The following MYOM1 variants were observed in gnomAD, a reference collection of about 807,000 sequenced individuals.
MYOM1 encodes the protein myomesin-1.
A neutral mutation model predicts 205.3 loss-of-function variants in MYOM1; 164 were observed. The observed-to-expected ratio is 0.80, with a 90% CI of 0.70 to 0.91. MYOM1 has a LOEUF of 0.91. Among genes scored for constraint, MYOM1 ranks in the 40% least tolerant of loss-of-function variants. The pLI is 0.00. For synonymous variants in MYOM1, 772 were observed against 789.4 expected (o/e 0.98, Z 0.37); for missense variants, 2,011 against 2,127.3 (o/e 0.95, Z 1.08).
intron 19 of MYOM1, among the ~76,000 whole-genome samples, chr18:3,126,056 G>A (rs1200821751): frequency 1.3e-5 from 2 of 152,024 alleles, no homozygotes; most frequent in African/African-American, 4.8e-5. Flanking sequence ...ATCACTTGAG[G>A]CCAGGAGTTT....
chr18:3,166,447 T>A (rs112795617), intron 9 of MYOM1, among the ~76,000 whole-genome samples: 7,974 of 151,608 alleles, frequency 0.053, 292 homozygotes, highest in Middle Eastern at 0.088. Context: ...ATTCTTTTTT[T>A]GTTTTGTTTT....
intron 16 of MYOM1, among the ~76,000 whole-genome samples, chr18:3,132,922 C>CAGCCAGAGGAAA (rs2079899069): frequency 6.6e-6 from 1 of 152,114 alleles, no homozygotes; most frequent in Non-Finnish European, 1.5e-5. Context: ...AACAGGTCTG[C>CAGCCAGAGGAAA]TAACGAATCT....
At chr18:3,223,367 C>T (rs1190229656), upstream of MYOM1, among the ~76,000 whole-genome samples, 11 of 152,100 alleles carry the variant, frequency 7.2e-5, no homozygotes, top group Admixed American at 5.9e-4. Context: ...ATGTTTTCCA[C>T]GGAAGGAAAA....
intron 1 of MYOM1, among the ~76,000 whole-genome samples, chr18:3,216,777 C>T (rs1360704381): frequency 9.2e-5 from 14 of 152,190 alleles, no homozygotes; most frequent in South Asian, 2.1e-4. Flanking sequence ...TCATTCTCGC[C>T]GATGTCTGAA....
At chr18:3,227,538 G>A in the MYOM1 span, among the ~76,000 whole-genome samples, 2 of 152,178 alleles carry the variant, frequency 1.3e-5, no homozygotes, top group South Asian at 2.1e-4. Context: ...AGCAATGTGA[G>A]CCGGGCGCGG....
chr18:3,107,250 TG>T (rs2143782297), intron 22 of MYOM1, among the ~76,000 whole-genome samples: 1 of 152,184 alleles, frequency 6.6e-6, no homozygotes, highest in South Asian at 2.1e-4. Flanking sequence ...CCCGAGTGGG[TG>T]GGACTACAGG....
chr18:3,084,958 T>C, intron 31 of MYOM1, 87 bp downstream of exon 31: 1 of 1,027,134 alleles, frequency 9.7e-7, no homozygotes, highest in Non-Finnish European at 1.4e-6. Context: ...TCAGCATGAT[T>C]TCAATCGTCA....
intron 33 of MYOM1, among the ~76,000 whole-genome samples, chr18:3,080,281 T>C (rs1015789760): frequency 2.6e-5 from 4 of 152,126 alleles, no homozygotes; most frequent in Non-Finnish European, 4.4e-5. Context: ...TATTATATTA[T>C]AGTTTTTTCT....
At chr18:3,106,423 A>C (rs2079452406) in intron 22 of MYOM1, among the ~76,000 whole-genome samples, 1 of 152,258 alleles carries the variant, frequency 6.6e-6, no homozygotes. Context: ...TGAGTCGTAC[A>C]TCATTACCTT....
At chr18:3,096,787 A>G (rs1204172832) in intron 25 of MYOM1, among the ~76,000 whole-genome samples, 1 of 152,166 alleles carries the variant, frequency 6.6e-6, no homozygotes, top group Non-Finnish European at 1.5e-5. Context: ...GATAATACCA[A>G]AGTGTACCCT....
intron 25 of MYOM1, among the ~76,000 whole-genome samples, chr18:3,099,509 C>A (rs537162346): frequency 6.6e-6 from 1 of 152,332 alleles, no homozygotes; most frequent in African/African-American, 2.4e-5. Flanking sequence ...GCTTCACTAC[C>A]TTGGCCAGTG....
chr18:3,176,132 T>C lies in MYOM1; in HGVS notation c.932A>G (p.Tyr311Cys), dbSNP rs1056069542. 3 of 1,587,434 alleles carry C rather than the reference T, an allele frequency of 1.9e-6. No individual in the cohort carries two copies. The highest frequency in any genetic ancestry group is 2.6e-6 in the Non-Finnish European group (3 of 1,156,258). The change falls in exon 6 of 38, where the codon TAT becomes TGT. Residue 311 changes from tyrosine to cysteine, a missense_variant and splice_region_variant. Transcript: ENST00000356443. ...AGWPEPRVTW[Y>C]KNQVPINVHA... ...GACATTTATTGGCACCTGGTTTTTA[T>C]ACCTATAACAGAATGGAAACAAAAT...
rs1049535851 is a variant in MYOM1 at position 3,148,291 on chromosome 18, T to C, written c.1900+854A>G. ...CCACAGAAACAGTTAAGAATGTTCA[T>C]AGAAGCTTTCAACAGTGAATGGATA... is the stretch of plus-strand genomic sequence containing the variant. On this transcript the variant is annotated intron_variant, in intron 13 of 37. Transcript: ENST00000356443. Among the ~76,000 whole-genome samples, 5 of 152,334 alleles carry C rather than the reference T, an allele frequency of 3.3e-5. No individual in the cohort carries two copies. The East Asian group carries it at 5.8e-4, about 18-fold the overall frequency.
At chr18:3,077,606 G>C (rs1310073559) in intron 34 of MYOM1, among the ~76,000 whole-genome samples, 1 of 152,190 alleles carries the variant, frequency 6.6e-6, no homozygotes, top group African/African-American at 2.4e-5. Context: ...TCTGTGCTTG[G>C]TGGCAGTGGC....
Position 3,094,299 on chromosome 18 carries a change from T to C in MYOM1, c.3735A>G (p.Pro1245=). The change falls in exon 26 of 38, where the codon CCA becomes CCG. Residue 1245 remains proline (P), a synonymous_variant. Transcript: ENST00000356443. ...LSHEHKFPTV[P]VKSELAVEIL... ...TTTCAACTGCCAACTCTGATTTAAC[T>C]GGGACAGCTATGAAAAGTAAAAATA... 6.2e-7 allele frequency: 1 copy of C among 1,612,716 alleles called. No individual in the cohort carries two copies. The highest frequency in any genetic ancestry group is 8.5e-7 in the Non-Finnish European group (1 of 1,179,350).
At chr18:3,228,305 T>A in the MYOM1 span, among the ~76,000 whole-genome samples, 1 of 152,198 alleles carries the variant, frequency 6.6e-6, no homozygotes, top group South Asian at 2.1e-4. The surrounding 1 kb of genome is among the most constrained non-coding windows in gnomAD (Gnocchi z 4.5). Flanking sequence ...CTTGTTACAC[T>A]GGATAGTAAG....
chr18:3,208,515 C>T (rs1319648262), intron 2 of MYOM1, among the ~76,000 whole-genome samples: 1 of 152,046 alleles, frequency 6.6e-6, no homozygotes, highest in Non-Finnish European at 1.5e-5. Context: ...AGGGCAAGAT[C>T]CCATCTATTA....
In MYOM1 at chr18:3,193,831, T is replaced by C; in HGVS notation, c.418A>G (p.Ile140Val). ...ENLPSDYMVP[I>V]FSGRQKHVSG... ...AAGCACACTCACCGTCCTGAGAAAA[T>C]GGGTACCATGTAGTCACTGGGCAAA... The change falls in exon 3 of 38, where the codon ATT becomes GTT. Residue 140 changes from isoleucine to valine, a missense_variant. Coordinates refer to ENST00000356443, the MANE Select transcript of MYOM1 (RefSeq NM_003803.4). The C allele has an allele frequency of 6.2e-7, 1 of 1,612,470 alleles. No homozygotes were observed.
chr18:3,131,449 A>T lies in MYOM1; in HGVS notation c.2432T>A (p.Val811Asp). The change falls in exon 17 of 38, where the codon GTC (valine) becomes GAC (aspartate). Residue 811 changes from valine to aspartate, a missense_variant. Val to Asp is a radical substitution (Grantham distance 152). Transcript: ENST00000356443. ...LVTGQSYIFR[V>D]RAVNAAGLSE... ...AAGTCCAGCTGCATTGACTGCTCTGACCCGGAAAATATAACTCTGACCAGT... is the reference window on the plus strand; with the variant it reads ...AAGTCCAGCTGCATTGACTGCTCTGTCCCGGAAAATATAACTCTGACCAGT... The T allele has an allele frequency of 6.2e-7, 1 of 1,613,868 alleles. No individual in the cohort carries two copies. Among genetic ancestry groups the T allele is most frequent in the South Asian group, 1.1e-5 (1 of 91,082 alleles).
Sources: allele counts gnomAD v4.1 joint callset (sites outside exome capture counted in the v4.1 genomes callset), GRCh38; gene constraint gnomAD v4.1.1; non-coding constraint Gnocchi (gnomAD v3.1); transcripts MANE v1.5; gene names NCBI Gene and HGNC (gene_info 2026-07-23, HGNC 2026-07-21).